SEPTIN9: variants seen among roughly 807,000 people sequenced by gnomAD.
SEPTIN9 encodes the protein septin 9.
In SEPTIN9, 13 loss-of-function variants were observed where a neutral mutation model predicts 56.6. That is an observed-to-expected ratio of 0.23 (90% CI 0.15 to 0.37). The LOEUF is 0.37. Ranked by LOEUF, SEPTIN9 falls within the 10% of genes least tolerant of loss-of-function variation. The pLI is 1.00. For synonymous variants in SEPTIN9, 332 were observed against 334.1 expected (o/e 0.99, Z 0.07); for missense variants, 650 against 823.1 (o/e 0.79, Z 2.57).
At chr17:77,446,403 T>C (rs944671348) in intron 3 of SEPTIN9, 1 of 153,812 alleles carries the variant, frequency 6.5e-6, no homozygotes, top group Non-Finnish European at 1.5e-5. Context: ...CAGGCTGGAG[T>C]GCAGTGGCAC....
rs138955612 is a variant in SEPTIN9, at chr17:77,493,015, C to G, written c.1512C>G (p.His504Gln). 7 of 1,570,164 alleles carry G rather than the reference C, an allele frequency of 4.5e-6. No homozygotes were observed. Among genetic ancestry groups the G allele is most frequent in the Non-Finnish European group, 6.0e-6 (7 of 1,157,968 alleles). ...CATTTGCTGTGGTGGGCAGTGACCACGAGTACCAGGTCAACGGCAAGAGGA... is the reference window on the plus strand; with the variant it reads ...CATTTGCTGTGGTGGGCAGTGACCAGGAGTACCAGGTCAACGGCAAGAGGA... ...MIPFAVVGSD[H>Q]EYQVNGKRIL... Residue 504 changes from histidine to glutamine, a missense_variant, in exon 10 of 12, where the codon CAC becomes CAG. Transcript: ENST00000427177.
In SEPTIN9 at chr17:77,402,218, A is replaced by G. The variant is rs749540070; in HGVS notation, c.236A>G (p.Asp79Gly). The G allele has an allele frequency of 6.8e-6, 11 of 1,612,888 alleles. No individual in the cohort carries two copies. Among genetic ancestry groups the G allele is most frequent in the South Asian group, 1.1e-5 (1 of 91,038 alleles). ...KNSEPSARHV[D>G]SLSQRSPKAS... is the part of the protein sequence containing the mutation. ...TCAGAACCCTCGGCCCGCCATGTGG[A>G]CTCCCTAAGCCAACGCTCCCCCAAG... The change falls in exon 3 of 12, where the codon GAC becomes GGC. Residue 79 changes from aspartate (D) to glycine (G), a missense_variant. Around this residue, in one of 2 missense-constraint regions of SEPTIN9, gnomAD observed 317 missense variants for 329.1 expected, o/e 0.96. Coordinates refer to ENST00000427177, the MANE Select transcript of SEPTIN9 (RefSeq NM_001113491.2). This position sits in a 1 kb window ranked among gnomAD's most constrained non-coding sequence, Gnocchi z 6.6.
intron 2 of SEPTIN9, chr17:77,376,349 C>T (rs1204233265): frequency 1.0e-6 from 1 of 985,548 alleles, no homozygotes; most frequent in Non-Finnish European, 1.2e-6. Context: ...GCCGTGGGAG[C>T]ACAGGTCTCT....
chr17:77,475,451 C>A lies in SEPTIN9; in HGVS notation c.722-6693C>A. 2 of 1,539,218 alleles carry A rather than the reference C, an allele frequency of 1.3e-6. No individual in the cohort carries two copies. The highest frequency in any genetic ancestry group is 2.3e-5 in the East Asian group (1 of 43,910). ...GCATTGCCTGCATCAGGGACTCACT[C>A]AGCTTTAAGAAGCCCCTTTGTGGGG... On this transcript the variant is annotated intron_variant, in intron 3 of 11. Coordinates refer to ENST00000427177, the MANE Select transcript of SEPTIN9 (RefSeq NM_001113491.2). This position sits in a 1 kb window ranked among gnomAD's most constrained non-coding sequence, Gnocchi z 4.6.
intron 2 of SEPTIN9, among the ~76,000 whole-genome samples, chr17:77,396,778 A>G (rs2035731187): frequency 6.6e-6 from 1 of 152,104 alleles, no homozygotes; most frequent in African/African-American, 2.4e-5. Context: ...CCTGGCAGGG[A>G]TGATCTTGTT....
chr17:77,467,533 C>T (rs950788699), intron 3 of SEPTIN9, among the ~76,000 whole-genome samples: 37 of 152,302 alleles, frequency 2.4e-4, no homozygotes, highest in Admixed American at 5.2e-4. Context: ...CCCCTCCCAC[C>T]GGGCGCCTCA....
rs1193595492 is a variant in SEPTIN9 at position 77,487,583 on chromosome 17, G to A, written c.1042+31G>A. ...TGGCCGGGAGTGGGCTGGGGGTGCA[G>A]GACGCCCCTGCCTTCCTGGAGCACA... is the stretch of plus-strand genomic sequence containing the variant. On this transcript the variant is annotated intron_variant, in intron 5 of 11. Coordinates refer to ENST00000427177, the MANE Select transcript of SEPTIN9 (RefSeq NM_001113491.2). The surrounding 1 kb of genome is among the most constrained non-coding windows in gnomAD (Gnocchi z 4.3). The A allele has an allele frequency of 6.2e-7, 1 of 1,602,332 alleles. No individual in the cohort carries two copies.
intron 10 of SEPTIN9, among the ~76,000 whole-genome samples, chr17:77,493,853 A>G (rs1489509883): frequency 2.7e-5 from 4 of 147,096 alleles, no homozygotes; most frequent in Admixed American, 6.8e-5. Flanking sequence ...GCTCACTGCA[A>G]CCTCTGCCTC....
Position 77,445,734 on chromosome 17 carries a change from C to T in SEPTIN9, c.722-36410C>T, listed in dbSNP as rs1267251059. ...GAGTCCCAACTGTCCCCTGTGGCTT[C>T]CAGAGTGGGACCTTGCTGTGGGATA... On this transcript the variant is annotated intron_variant, in intron 3 of 11. Coordinates refer to ENST00000427177, the MANE Select transcript of SEPTIN9 (RefSeq NM_001113491.2). This position sits in a 1 kb window ranked among gnomAD's most constrained non-coding sequence, Gnocchi z 4.7. 6.7e-6 allele frequency: 2 copies of T among 298,636 alleles called. No individual in the cohort carries two copies. Among genetic ancestry groups the T allele is most frequent in the Admixed American group, 5.0e-5 (1 of 20,166 alleles). 18.5% of individuals were successfully genotyped at this position (298,636 alleles called of 1,614,324 possible).
intron 2 of SEPTIN9, among the ~76,000 whole-genome samples, chr17:77,393,944 G>A (rs1434967200): frequency 6.6e-6 from 1 of 152,152 alleles, no homozygotes; most frequent in Non-Finnish European, 1.5e-5. Flanking sequence ...GGACACTGAG[G>A]CTCAGAGTAG....
Position 77,319,447 on chromosome 17 carries a change from T to G in SEPTIN9, c.76+12250T>G. Reference sequence around the variant, plus strand: ...GGCTAGAGACTCACTGACTCATGCGTGTGTGGTAGGAATCTTCCAGGAAGT... The same window carrying G: ...GGCTAGAGACTCACTGACTCATGCGGGTGTGGTAGGAATCTTCCAGGAAGT... On this transcript the variant is annotated intron_variant, in intron 2 of 11. Coordinates refer to ENST00000427177, the MANE Select transcript of SEPTIN9 (RefSeq NM_001113491.2). The surrounding 1 kb of genome is among the most constrained non-coding windows in gnomAD (Gnocchi z 5.3). 3.3e-6 allele frequency: 2 copies of G among 611,424 alleles called. No individual in the cohort carries two copies. The highest frequency in any genetic ancestry group is 4.2e-6 in the Non-Finnish European group (2 of 476,798). 37.9% of individuals were successfully genotyped at this position (611,424 alleles called of 1,614,324 possible). A position where few individuals can be genotyped will look rare whatever the true frequency, so the allele number is the denominator to read the frequency against.
chr17:77,466,323 A>G, intron 3 of SEPTIN9: 1 of 925,776 alleles, frequency 1.1e-6, no homozygotes, highest in Non-Finnish European at 1.3e-6. Flanking sequence ...GAAAGTGGTC[A>G]GGCCCGGGCC....
intron 3 of SEPTIN9, among the ~76,000 whole-genome samples, chr17:77,414,904 A>G (rs998005557): frequency 6.6e-6 from 1 of 152,040 alleles, no homozygotes; most frequent in African/African-American, 2.4e-5. Flanking sequence ...TGTACAGAGA[A>G]TTGCACGTTT....
Position 77,425,686 on chromosome 17 carries a change from C to A in SEPTIN9, c.721+22983C>A, listed in dbSNP as rs1010894433. On this transcript the variant is annotated intron_variant, in intron 3 of 11. Transcript: ENST00000427177. The surrounding 1 kb of genome is among the most constrained non-coding windows in gnomAD (Gnocchi z 4.2). ...TCTTGGGAAAGGTAGGGTCTTTGTGCCCCCTCCCACCCAGGGACCTGGCAT... is the reference window on the plus strand; with the variant it reads ...TCTTGGGAAAGGTAGGGTCTTTGTGACCCCTCCCACCCAGGGACCTGGCAT... 6.6e-6 allele frequency among the ~76,000 whole-genome samples: 1 copy of A among 152,194 alleles called. No homozygotes were observed. Among genetic ancestry groups the A allele is most frequent in the Non-Finnish European group, 1.5e-5 (1 of 68,034 alleles).
intron 11 of SEPTIN9, chr17:77,497,722 C>A (rs753354355): frequency 7.5e-6 from 3 of 400,494 alleles, no homozygotes; most frequent in Non-Finnish European, 1.4e-5. Flanking sequence ...AGCTCCGATC[C>A]CACTGGCCTC....
intron 6 of SEPTIN9, 84 bp downstream of exon 6, chr17:77,488,405 C>G: frequency 7.6e-7 from 1 of 1,311,508 alleles, no homozygotes; most frequent in Non-Finnish European, 1.1e-6. Context: ...AGAGGTTTCC[C>G]GGCCCGCGGG....
intron 2 of SEPTIN9, among the ~76,000 whole-genome samples, chr17:77,336,842 T>C (rs1405221283): frequency 6.6e-6 from 1 of 152,206 alleles, no homozygotes; most frequent in African/African-American, 2.4e-5. Context: ...CTTTGTCAGA[T>C]TGAGGAAATT....
intron 2 of SEPTIN9, among the ~76,000 whole-genome samples, chr17:77,362,079 T>C (rs1377482222): frequency 1.3e-5 from 2 of 152,260 alleles, no homozygotes; most frequent in Non-Finnish European, 1.5e-5. Flanking sequence ...GGCCATTCAC[T>C]GGCCTTGAAT....
At chr17:77,396,537 G>C (rs892374899) in intron 2 of SEPTIN9, among the ~76,000 whole-genome samples, 1 of 152,026 alleles carries the variant, frequency 6.6e-6, no homozygotes, top group African/African-American at 2.4e-5. Flanking sequence ...GGTTATGCCG[G>C]TTCCACTGTG....
Sources: allele counts gnomAD v4.1 joint callset (sites outside exome capture counted in the v4.1 genomes callset), GRCh38; gene constraint gnomAD v4.1.1; regional missense constraint gnomAD v4.1.1; non-coding constraint Gnocchi (gnomAD v3.1); transcripts MANE v1.5; gene names NCBI Gene and HGNC (gene_info 2026-07-23, HGNC 2026-07-21).